DBR1: variants seen among roughly 807,000 people sequenced by gnomAD.
DBR1 encodes the protein lariat debranching enzyme.
A neutral mutation model predicts 45.9 loss-of-function variants in DBR1; 33 were observed. The ratio of observed to expected loss-of-function variants is 0.72; its 90% CI spans 0.55 to 0.96. DBR1 has a LOEUF of 0.96. DBR1 is among the 40% of genes least tolerant of loss of function. The pLI is 0.00. For missense variants in DBR1, 619 were observed against 667.4 expected, an observed-to-expected ratio of 0.93 and a Z score of 0.80; for synonymous variants, 235 against 235.9, an observed-to-expected ratio of 1.00 and a Z score of 0.04.
intron 5 of DBR1, among the ~76,000 whole-genome samples, chr3:138,166,367 A>G (rs2042930434): frequency 6.6e-6 from 1 of 152,118 alleles, no homozygotes; most frequent in African/African-American, 2.4e-5. Context: ...GTCATCCTGG[A>G]CTTCTTTCCT....
At position 138,163,430 on chromosome 3, in the gene DBR1, G is replaced by T; in HGVS notation, c.860C>A (p.Thr287Asn). ...DYLEYDIEWL[T>N]ILRATDDLIN... ...AAGATCATCCGTAGCCCTGAGAATA[G>T]TGAGCCATTCAATATCATATTCCAA... The change falls in exon 7 of 8, where the codon ACT (threonine) becomes AAT (asparagine). Residue 287 changes from threonine to asparagine, a missense_variant. Thr to Asn is a moderately conservative substitution (Grantham distance 65). Transcript: ENST00000260803. 6.2e-7 allele frequency: 1 copy of T among 1,613,208 alleles called. No individual in the cohort carries two copies. The highest frequency in any genetic ancestry group is 8.5e-7 in the Non-Finnish European group (1 of 1,179,206).
At chr3:138,174,507 A>C in intron 1 of DBR1, 92 bp downstream of exon 1, 1 of 1,324,614 alleles carries the variant, frequency 7.5e-7, no homozygotes, top group East Asian at 2.5e-5. Context: ...AGAGAGAACA[A>C]AGACAGGATC....
At chr3:138,169,291 T>A (rs1011212852) in intron 4 of DBR1, among the ~76,000 whole-genome samples, 6 of 152,180 alleles carry the variant, frequency 3.9e-5, no homozygotes, top group African/African-American at 7.2e-5. Flanking sequence ...GGAGATTATA[T>A]GAAATACCAA....
rs773022877 is a variant in DBR1, at chr3:138,173,470, A to G, written c.322+32T>C. The stretch of plus-strand genomic sequence containing the variant: ...TCCTGATAAGCTCTTCCATCCCAGG[A>G]AAAAAAAGTATCCACAAACACAATC... On this transcript the variant is annotated intron_variant, in intron 2 of 7. Transcript: ENST00000260803. 3.2e-6 allele frequency: 5 copies of G among 1,587,190 alleles called. No individual in the cohort carries two copies. In the East Asian group the frequency reaches 9.1e-5, roughly 29 times the overall value.
chr3:138,174,848 G>T lies in DBR1; in HGVS notation c.-53C>A, dbSNP rs994535079. ...CCTGCAACGCCCTACACCACAGCCA[G>T]CCCAGGACCGACTGATCGCTCAGCT... On this transcript the variant is annotated 5_prime_UTR_variant, in exon 1 of 8. The change creates a new upstream start codon in the 5' untranslated region. Transcript: ENST00000260803. 1 of 1,552,004 alleles carries T rather than the reference G, an allele frequency of 6.4e-7. No individual in the cohort carries two copies. Among genetic ancestry groups the T allele is most frequent in the Non-Finnish European group, 8.7e-7 (1 of 1,143,718 alleles).
intron 4 of DBR1, among the ~76,000 whole-genome samples, chr3:138,168,716 G>A (rs987298602): frequency 1.3e-4 from 20 of 152,120 alleles, no homozygotes; most frequent in East Asian, 1.9e-4. Context: ...CAGCACTTTC[G>A]GAGGCCAAGG....
At chr3:138,173,195 A>G (rs2042963030) in intron 2 of DBR1, among the ~76,000 whole-genome samples, 1 of 147,570 alleles carries the variant, frequency 6.8e-6, no homozygotes. Flanking sequence ...ATGCTTAAGA[A>G]TTTCTATTAA....
intron 1 of DBR1, 32 bp downstream of exon 1, chr3:138,174,567 A>AGG: frequency 3.3e-6 from 3 of 897,858 alleles, no homozygotes; most frequent in East Asian, 3.3e-5. Flanking sequence ...CCACCCCCCC[A>AGG]CCGCCAAGTC....
At position 138,167,138 on chromosome 3, in the gene DBR1, A is replaced by G. The variant is rs922826528; in HGVS notation, c.657T>C (p.Pro219=). ...GAAGGTGGGCAGAAAACCAATAAGT[A>G]GGTTTGAGATGCTCTAAAAGCTCTG... The part of the protein sequence containing the change: ...AASELLEHLK[P]TYWFSAHLHV... Residue 219 remains proline (P), a synonymous_variant, in exon 5 of 8, where the codon CCT becomes CCC. Coordinates refer to ENST00000260803, the MANE Select transcript of DBR1 (RefSeq NM_016216.4). The G allele has an allele frequency of 2.5e-6, 4 of 1,614,086 alleles. No individual in the cohort carries two copies. In the African/African-American group the frequency reaches 5.3e-5, roughly 22 times the overall value.
In DBR1 at chr3:138,174,735, C is replaced by CCAGCGT; in HGVS notation, c.55_60dup (p.Thr19_Leu20dup). The stretch of plus-strand genomic sequence containing the variant: ...CCCGGGCCGCGCCGCTCTGCCAGCG[C>CCAGCGT]CAGCGTCTCATAGATCTTATCCAGC... On this transcript the variant is annotated inframe_insertion, in exon 1 of 8. Transcript: ENST00000260803. 6.8e-6 allele frequency: 11 copies of CCAGCGT among 1,612,812 alleles called. No individual in the cohort carries two copies. The highest frequency in any genetic ancestry group is 9.3e-6 in the Non-Finnish European group (11 of 1,179,710).
chr3:138,162,985 C>T (rs1350183374), intron 7 of DBR1, among the ~76,000 whole-genome samples: 3 of 152,184 alleles, frequency 2.0e-5, no homozygotes, highest in African/African-American at 7.2e-5. Context: ...AGGCCAGATA[C>T]AGCAGCTCAC....
intron 4 of DBR1, among the ~76,000 whole-genome samples, chr3:138,167,512 C>T (rs1461436389): frequency 1.3e-5 from 2 of 152,184 alleles, no homozygotes; most frequent in Non-Finnish European, 2.9e-5. Context: ...ATTTTCTCTG[C>T]TCATAAATCA....
chr3:138,169,753 G>A (rs1027500453), intron 4 of DBR1, among the ~76,000 whole-genome samples: 2 of 152,142 alleles, frequency 1.3e-5, no homozygotes, highest in African/African-American at 4.8e-5. Context: ...CAAACATGGT[G>A]AAACCCCATC....
chr3:138,171,927 A>T (rs1207402844), intron 2 of DBR1, among the ~76,000 whole-genome samples: 2 of 152,238 alleles, frequency 1.3e-5, no homozygotes, highest in African/African-American at 4.8e-5. Context: ...GAATTAGATG[A>T]GCCAAAACAC....
chr3:138,167,620 T>C (rs1463801407), intron 4 of DBR1, among the ~76,000 whole-genome samples: 1 of 152,216 alleles, frequency 6.6e-6, no homozygotes, highest in East Asian at 1.9e-4. Context: ...AAATACACGA[T>C]AACCATAGTT....
chr3:138,170,682 G>A (rs116618924), intron 3 of DBR1, among the ~76,000 whole-genome samples: 78 of 152,274 alleles, frequency 5.1e-4, no homozygotes, highest in African/African-American at 1.8e-3. Context: ...CCAAGTGGCA[G>A]GGAACAGACT....
At position 138,164,988 on chromosome 3, in the gene DBR1, T is replaced by C. The variant is rs1006464178; in HGVS notation, c.715-1130A>G. 2.6e-5 allele frequency among the ~76,000 whole-genome samples: 4 copies of C among 151,668 alleles called. No individual in the cohort carries two copies. The East Asian group carries it at 7.7e-4, about 29-fold the overall frequency. On this transcript the variant is annotated intron_variant, in intron 5 of 7. Transcript: ENST00000260803. ...ATGTAAATTATACTCCAATAAAGGT[T>C]TTTTTTTTTCAAAAGTGAATTGACA...
rs569005928 is a variant in DBR1 at position 138,163,237 on chromosome 3, A to C, written c.941+112T>G. ...ATCCAAGATCACACCACTGCAGTCCAGTTTGGATAACAGAGCTAGACCCTG... is the reference window on the plus strand; with the variant it reads ...ATCCAAGATCACACCACTGCAGTCCCGTTTGGATAACAGAGCTAGACCCTG... On this transcript the variant is annotated intron_variant, in intron 7 of 7. Transcript: ENST00000260803. 5.9e-5 allele frequency: 65 copies of C among 1,098,408 alleles called. 1 individual carries two copies. In the South Asian group the frequency reaches 1.1e-3, roughly 18 times the overall value. 68.0% of individuals were successfully genotyped at this position (1,098,408 alleles called of 1,614,324 possible).
chr3:138,172,184 A>T (rs1305544594), intron 2 of DBR1, among the ~76,000 whole-genome samples: 1 of 152,256 alleles, frequency 6.6e-6, no homozygotes, highest in Non-Finnish European at 1.5e-5. Flanking sequence ...GGATGAATAC[A>T]TCAAAAGATG....
Sources: allele counts gnomAD v4.1 joint callset (sites outside exome capture counted in the v4.1 genomes callset), GRCh38; gene constraint gnomAD v4.1.1; transcripts MANE v1.5; gene names NCBI Gene and HGNC (gene_info 2026-07-23, HGNC 2026-07-21).